ZCCHC2: variants seen among roughly 807,000 people sequenced by gnomAD.
The protein encoded by ZCCHC2 is zinc finger CCHC-type containing 2.
In ZCCHC2, 39 loss-of-function variants were observed where a neutral mutation model predicts 103.6. That is an observed-to-expected ratio of 0.38 (90% confidence interval 0.29 to 0.49). ZCCHC2 has a LOEUF of 0.49. Among genes scored for constraint, ZCCHC2 ranks in the 20% least tolerant of loss-of-function variants. The pLI is 0.96. For synonymous variants in ZCCHC2, 687 were observed against 608.9 expected, an observed-to-expected ratio of 1.13 and a Z score of -1.89; for missense variants, 1,483 against 1,491.0, an observed-to-expected ratio of 0.99 and a Z score of 0.09.
Position 62,570,190 on chromosome 18 carries a change from A to T in ZCCHC2, c.1934A>T (p.Asp645Val), listed in dbSNP as rs977538288. The T allele has an allele frequency of 6.2e-7, 1 of 1,611,826 alleles. No individual in the cohort carries two copies. Among genetic ancestry groups the T allele is most frequent in the East Asian group, 2.2e-5 (1 of 44,826 alleles). Residue 645 changes from aspartate (D) to valine (V), a missense_variant, in exon 12 of 14, where the codon GAT becomes GTT. This residue lies in a region of ZCCHC2 where 884 missense variants were observed against 907.5 expected (regional missense o/e 0.97). Coordinates refer to ENST00000269499, the MANE Select transcript of ZCCHC2 (RefSeq NM_017742.6). ...AGTTCTCCATCTAGTCCCCGACATG[A>T]TGGAAGAGAAAGTTTTGAAAGTGAA... ...SYSSPSSPRH[D>V]GRESFESEEE...
intron 1 of ZCCHC2, among the ~76,000 whole-genome samples, chr18:62,535,471 G>T (rs1182983816): frequency 6.6e-6 from 1 of 152,196 alleles, no homozygotes; most frequent in African/African-American, 2.4e-5. Flanking sequence ...ATCTCTCACA[G>T]TTTTGTGGGT....
rs1917155156 is a variant in ZCCHC2, at chr18:62,585,759, A to G, written c.*1387A>G. The G allele has an allele frequency of 2.0e-5, 3 of 152,396 alleles. No homozygotes were observed. The East Asian group carries it at 5.8e-4, about 29-fold the overall frequency. 9.4% of individuals were successfully genotyped at this position (152,396 alleles called of 1,614,324 possible). ...ATGTCTGACACATAGTGGACTCTCA[A>G]GAAGTTTGTCATGCAGGGGACACTT... On this transcript the variant is annotated 3_prime_UTR_variant and NMD_transcript_variant, in exon 15 of 15. Coordinates refer to the ZCCHC2 transcript ENST00000585873.
intron 1 of ZCCHC2, among the ~76,000 whole-genome samples, chr18:62,529,155 G>A (rs1914573845): frequency 1.1e-5 from 1 of 93,650 alleles, no homozygotes; most frequent in East Asian, 2.7e-4. Context: ...GTGAGACAAC[G>A]TCTCAAAAAA....
At chr18:62,573,407 T>C (rs1345403293) in intron 12 of ZCCHC2, among the ~76,000 whole-genome samples, 1 of 152,220 alleles carries the variant, frequency 6.6e-6, no homozygotes, top group African/African-American at 2.4e-5. Flanking sequence ...TGTTTGTATT[T>C]GCTGTTTTGC....
chr18:62,534,784 A>G (rs1914848061), intron 1 of ZCCHC2, among the ~76,000 whole-genome samples: 1 of 152,226 alleles, frequency 6.6e-6, no homozygotes, highest in Admixed American at 6.5e-5. Context: ...TTTGCTTGAA[A>G]AGAGGTCATC....
chr18:62,578,174 A>ATGG lies in ZCCHC2; in HGVS notation c.*1595_*1596insTGG, dbSNP rs1555789680. On this transcript the variant is annotated 3_prime_UTR_variant, in exon 14 of 14. Transcript: ENST00000269499. Reference sequence around the variant, plus strand: ...CTTTCAGGGGTGGGAGTTATGGGGAAGGGGTGGGTGTGAAGGGGTAGATGA... The same window carrying ATGG: ...CTTTCAGGGGTGGGAGTTATGGGGAATGGGGGGTGGGTGTGAAGGGGTAGATGA... The ATGG allele has an allele frequency of 1.4e-5, 2 of 146,748 alleles. No individual in the cohort carries two copies. The highest frequency in any genetic ancestry group is 3.0e-5 in the Non-Finnish European group (2 of 66,270). 9.1% of individuals were successfully genotyped at this position (146,748 alleles called of 1,614,324 possible).
rs1568531499 is a variant in ZCCHC2 at position 62,523,553 on chromosome 18, C to CCGCCGCCG, written c.130_131insGCCGCCGC (p.Pro44ArgfsTer240). The stretch of plus-strand genomic sequence containing the variant: ...CGCGCCGCCGCCGCGACTGCCGCCC[C>CCGCCGCCG]CCGCCGCCGCCGCCGCCGCCCGCGG... On this transcript the variant is annotated frameshift_variant, in exon 1 of 14. Transcript: ENST00000269499. LOFTEE classifies it high-confidence loss of function. 1 of 931,876 alleles carries CCGCCGCCG rather than the reference C, an allele frequency of 1.1e-6. No individual in the cohort carries two copies. Among genetic ancestry groups the CCGCCGCCG allele is most frequent in the Non-Finnish European group, 1.3e-6 (1 of 789,324 alleles). 57.7% of individuals were successfully genotyped at this position (931,876 alleles called of 1,614,324 possible).
chr18:62,570,942 G>A (rs561384644), intron 12 of ZCCHC2, among the ~76,000 whole-genome samples: 2 of 152,286 alleles, frequency 1.3e-5, no homozygotes, highest in African/African-American at 4.8e-5. Context: ...AGAGCTTAGG[G>A]CCTTCTCAGG....
intron 5 of ZCCHC2, chr18:62,551,763 G>C (rs775064304): frequency 8.5e-5 from 13 of 152,964 alleles, no homozygotes; most frequent in Non-Finnish European, 1.3e-4. Flanking sequence ...TCATGGCCAA[G>C]GAAACATGCT....
In ZCCHC2 at chr18:62,575,228, T is replaced by C. The variant is rs373889369; in HGVS notation, c.3147T>C (p.Phe1049=). 1 of 1,614,016 alleles carries C rather than the reference T, an allele frequency of 6.2e-7. No individual in the cohort carries two copies. The highest frequency in any genetic ancestry group is 8.5e-7 in the Non-Finnish European group (1 of 1,179,890). Residue 1049 remains phenylalanine (F), a synonymous_variant, in exon 13 of 14, where the codon TTT becomes TTC. Coordinates refer to ENST00000269499, the MANE Select transcript of ZCCHC2 (RefSeq NM_017742.6). ...PGPMYRVPSF[F]TLPSICNGSY... ...CAATGTACCGAGTCCCTTCATTCTT[T>C]ACTCTGCCATCCATTTGCAATGGCA...
In ZCCHC2 at chr18:62,529,154, C is replaced by T. The variant is rs555931694; in HGVS notation, c.939+4791C>T. On this transcript the variant is annotated intron_variant, in intron 1 of 13. Coordinates refer to ENST00000269499, the MANE Select transcript of ZCCHC2 (RefSeq NM_017742.6). ...CAGCCTGGGTGACAGAGTGAGACAACGTCTCAAAAAAAAAAAAAAAAAAAA... is the reference window on the plus strand; with the variant it reads ...CAGCCTGGGTGACAGAGTGAGACAATGTCTCAAAAAAAAAAAAAAAAAAAA... Among the ~76,000 whole-genome samples the T allele has an allele frequency of 1.6e-4, 17 of 105,456 alleles. No individual in the cohort carries two copies. The South Asian group carries it at 4.6e-3, about 29-fold the overall frequency. 69.2% of individuals were successfully genotyped at this position (105,456 alleles called of 152,430 possible).
rs546460634 is a variant in ZCCHC2, at chr18:62,555,138, A to C, written c.1314-1065A>C. 1.2e-3 allele frequency among the ~76,000 whole-genome samples: 179 copies of C among 152,288 alleles called. 1 individual carries two copies. The highest frequency in any genetic ancestry group is 4.9e-4 in the Non-Finnish European group (33 of 68,022). On this transcript the variant is annotated intron_variant, in intron 5 of 13. Transcript: ENST00000269499. ...TAACCATGAGAAATTGGAAGTTGAA[A>C]GGCTAACTGGCTTGTTTAGGGTGCT...
At chr18:62,535,655 C>G (rs757062108) in intron 1 of ZCCHC2, among the ~76,000 whole-genome samples, 1 of 152,172 alleles carries the variant, frequency 6.6e-6, no homozygotes, top group Non-Finnish European at 1.5e-5. Flanking sequence ...ACTCCAAGCC[C>G]AAGTGTCCAG....
At chr18:62,531,728 C>G (rs1288783370) in intron 1 of ZCCHC2, among the ~76,000 whole-genome samples, 1 of 150,458 alleles carries the variant, frequency 6.6e-6, no homozygotes, top group Non-Finnish European at 1.5e-5. Flanking sequence ...AGAGGGATCG[C>G]TTGAGCCCAG....
rs1915091009 is a variant in ZCCHC2, at chr18:62,539,715, A to G, written c.974A>G (p.Asn325Ser). ...NSAHGDYMQN[N>S]ESSLIEQAPI... Reference sequence around the variant, plus strand: ...GCTCATGGTGATTACATGCAAAATAACGAGAGCAGCTTAATAGAGCAAGCT... The same window carrying G: ...GCTCATGGTGATTACATGCAAAATAGCGAGAGCAGCTTAATAGAGCAAGCT... The change falls in exon 2 of 14, where the codon AAC becomes AGC. Residue 325 changes from asparagine (N) to serine (S), a missense_variant. Transcript: ENST00000269499. 1.9e-6 allele frequency: 3 copies of G among 1,602,714 alleles called. No individual in the cohort carries two copies. The highest frequency in any genetic ancestry group is 2.6e-6 in the Non-Finnish European group (3 of 1,174,436).
chr18:62,534,951 G>A (rs892062290), intron 1 of ZCCHC2, among the ~76,000 whole-genome samples: 1 of 152,078 alleles, frequency 6.6e-6, no homozygotes, highest in African/African-American at 2.4e-5. Flanking sequence ...TCCTTCTTAG[G>A]TTCTATAAGC....
At chr18:62,560,697 T>G in intron 8 of ZCCHC2, 53 bp downstream of exon 8, 1 of 1,393,334 alleles carries the variant, frequency 7.2e-7, no homozygotes, top group Non-Finnish European at 1.0e-6. Flanking sequence ...TTAAAATCAA[T>G]GTAACATTTA....
At chr18:62,567,644 G>A (rs568209679) in intron 11 of ZCCHC2, among the ~76,000 whole-genome samples, 2 of 152,160 alleles carry the variant, frequency 1.3e-5, no homozygotes, top group African/African-American at 4.8e-5. Context: ...CATATAGAGC[G>A]TTAAGAATGC....
chr18:62,565,201 T>C (rs1200348708), intron 11 of ZCCHC2, 105 bp downstream of exon 11: 10 of 816,318 alleles, frequency 1.2e-5, no homozygotes, highest in Admixed American at 2.7e-5. Context: ...CCTAATACTA[T>C]AAGTTTACCT....
Sources: gnomAD v4.1 joint callset for allele counts (sites outside exome capture counted in the v4.1 genomes callset) on GRCh38, gnomAD v4.1.1 for gene constraint, gnomAD v4.1.1 regional missense constraint, MANE v1.5 for transcripts, NCBI Gene and HGNC (gene_info 2026-07-23, HGNC 2026-07-21) for gene names.